The following DDX3X variants were observed in gnomAD, a reference collection of about 807,000 sequenced individuals.
DDX3X encodes the protein ATP-dependent RNA helicase DDX3X.
In DDX3X, 4 loss-of-function variants were observed where a neutral mutation model predicts 52.7. The observed-to-expected ratio is 0.08, with a 90% CI of 0.04 to 0.17. The LOEUF (loss-of-function observed/expected upper bound fraction) is 0.17, where lower values mean the gene tolerates loss of function less well. Ranked by LOEUF, DDX3X falls within the 10% of genes least tolerant of loss-of-function variation. The pLI is 1.00. For synonymous variants in DDX3X, 192 were observed against 178.1 expected (o/e 1.08, Z -0.62); for missense variants, 222 against 548.6 (o/e 0.40, Z 5.95).
intron 5 of DDX3X, among the ~76,000 whole-genome samples, chrX:41,356,355 C>G (rs997797725): frequency 1.0e-4 from 11 of 109,778 alleles, no homozygotes; most frequent in African/African-American, 3.6e-4. Flanking sequence ...CCATATTGAC[C>G]AAGTTAGTCT....
Position 41,342,528 on chromosome X carries a change from C to G in DDX3X, c.318C>G (p.Gly106=). 1 of 1,211,510 alleles carries G rather than the reference C, an allele frequency of 8.3e-7. No individual in the cohort carries two copies. Among genetic ancestry groups the G allele is most frequent in the Non-Finnish European group, 1.1e-6 (1 of 895,316 alleles). The part of the protein sequence containing the change: ...FDDRGRSDYD[G]IGSRGDRSGF... ...ATCGTGGACGGAGTGATTACGATGG[C>G]ATTGGCAGCCGTGGTGACAGAAGTG... is the stretch of plus-strand genomic sequence containing the variant. The change falls in exon 5 of 17, where the codon GGC becomes GGG. Residue 106 remains glycine, a synonymous_variant. Coordinates refer to ENST00000644876, the MANE Select transcript of DDX3X (RefSeq NM_001356.5).
downstream of DDX3X, among the ~76,000 whole-genome samples, chrX:41,353,632 G>A (rs906378308): frequency 9.3e-6 from 1 of 107,435 alleles, no homozygotes; most frequent in African/African-American, 3.4e-5. Context: ...TTAGCTGGGC[G>A]TGGTGGCAAG....
At chrX:41,334,150 G>C, upstream of DDX3X, 2 of 861,695 alleles carry the variant, frequency 2.3e-6, no homozygotes, top group Non-Finnish European at 3.3e-6. Context: ...CCGTGGCCGC[G>C]CGGTGCGCTC....
At chrX:41,352,985 G>T (rs778588571), downstream of DDX3X, among the ~76,000 whole-genome samples, 4 of 111,510 alleles carry the variant, frequency 3.6e-5, no homozygotes, top group Non-Finnish European at 7.5e-5. Context: ...ATTCTATTAC[G>T]TGGCCCCTAT....
intron 2 of DDX3X, chrX:41,338,307 C>T (rs2063799759): frequency 9.0e-6 from 1 of 111,339 alleles, no homozygotes; most frequent in African/African-American, 3.3e-5. Flanking sequence ...TTGGTGTTTG[C>T]TTTAACTTTC....
At chrX:41,350,714 C>G (rs767731563), downstream of DDX3X, 1 of 111,282 alleles carries the variant, frequency 9.0e-6, no homozygotes, top group Non-Finnish European at 1.9e-5. Context: ...ATTGCTTGAG[C>G]CCACGAGTTC....
In DDX3X at chrX:41,344,067, T is replaced by C. The variant is rs761300398; in HGVS notation, c.803T>C (p.Ile268Thr). The change falls in exon 9 of 17, where the codon ATC (isoleucine) becomes ACC (threonine). Residue 268 changes from isoleucine to threonine, a missense_variant. By Grantham distance (89) the Ile-to-Thr change is moderately conservative. Coordinates refer to ENST00000644876, the MANE Select transcript of DDX3X (RefSeq NM_001356.5). ...GRYGRRKQYPISLVLAPTREL... is the reference protein window; with the variant it reads ...GRYGRRKQYPTSLVLAPTREL... ...TATGGGCGCCGCAAACAATACCCAA[T>C]CTCCTTGGTATTAGCACCAACGAGA... The C allele has an allele frequency of 8.3e-7, 1 of 1,206,160 alleles. No individual in the cohort carries two copies. Among genetic ancestry groups the C allele is most frequent in the African/African-American group, 1.8e-5 (1 of 56,793 alleles).
downstream of DDX3X, chrX:41,364,469 C>T (rs2064040836): frequency 7.0e-6 from 2 of 285,170 alleles, no homozygotes; most frequent in Non-Finnish European, 1.2e-5. Context: ...GCACCTTGGC[C>T]TCATCCCCTC....
At chrX:41,352,144 T>C (rs897590159), downstream of DDX3X, among the ~76,000 whole-genome samples, 2 of 111,601 alleles carry the variant, frequency 1.8e-5, no homozygotes, top group African/African-American at 6.5e-5. Flanking sequence ...AATGAGATAC[T>C]ATCTCCTCTA....
downstream of DDX3X, among the ~76,000 whole-genome samples, chrX:41,353,463 A>G (rs2063996903): frequency 9.4e-6 from 1 of 106,410 alleles, no homozygotes; most frequent in Admixed American, 1.0e-4. Context: ...GCAAGACTCC[A>G]TCTCAAAAAA....
chrX:41,361,360 A>C (rs919721132), intron 5 of DDX3X, among the ~76,000 whole-genome samples: 1 of 108,853 alleles, frequency 9.2e-6, no homozygotes. Flanking sequence ...AAAATACAAA[A>C]AATTAGCCGG....
intron 1 of DDX3X, among the ~76,000 whole-genome samples, chrX:41,337,187 G>T (rs920706655): frequency 4.5e-5 from 5 of 112,029 alleles, no homozygotes; most frequent in Non-Finnish European, 9.4e-5. Context: ...TTGGTGTGCC[G>T]CCTTCTGTAG....
At chrX:41,333,666 A>G (rs914856638), upstream of DDX3X, 1 of 109,972 alleles carries the variant, frequency 9.1e-6, no homozygotes, top group Non-Finnish European at 1.9e-5. Flanking sequence ...CCACATCTCC[A>G]AGCCCGGGAA....
At chrX:41,342,287 A>G (rs1602128669) in intron 4 of DDX3X, 1 of 409,198 alleles carries the variant, frequency 2.4e-6, no homozygotes, top group East Asian at 4.1e-5. Flanking sequence ...ACAACTTTAT[A>G]GAAATGTAAA....
At position 41,359,843 on chromosome X, in the gene DDX3X, G is replaced by A. The variant is rs1273854226; in HGVS notation, c.655-4431G>A. Among the ~76,000 whole-genome samples, 19 of 108,294 alleles carry A rather than the reference G, an allele frequency of 1.8e-4. 1 individual carries two copies. Among genetic ancestry groups the A allele is most frequent in the Non-Finnish European group, 3.1e-4 (16 of 52,183 alleles). 94.0% of individuals were successfully genotyped at this position (108,294 alleles called of 115,157 possible). On this transcript the variant is annotated intron_variant, in intron 5 of 5. Coordinates refer to the DDX3X transcript ENST00000616050. ...AAATAAAAATAAAAATTAGCCGGGCGCGGTGGCGGGTGCCTGTAGTCCCAG... is the reference window on the plus strand; with the variant it reads ...AAATAAAAATAAAAATTAGCCGGGCACGGTGGCGGGTGCCTGTAGTCCCAG...
intron 1 of DDX3X, chrX:41,335,075 T>C (rs867018870): frequency 7.1e-4 from 1 of 1,412 alleles, no homozygotes; most frequent in Non-Finnish European, 1.4e-3. Flanking sequence ...GGGGGAGGGG[T>C]GGGGGCGGGG....
At chrX:41,343,034 C>T in intron 6 of DDX3X, 182 bp from the exon 7 acceptor site, 1 of 603,984 alleles carries the variant, frequency 1.7e-6, no homozygotes, top group Non-Finnish European at 2.5e-6. Context: ...ATAGGAACAA[C>T]CCAAAGTCTT....
At chrX:41,352,464 G>A (rs1362602802), downstream of DDX3X, among the ~76,000 whole-genome samples, 1 of 111,228 alleles carries the variant, frequency 9.0e-6, no homozygotes, top group Non-Finnish European at 1.9e-5. Flanking sequence ...GTCAACATTA[G>A]TGGTATGCAG....
intron 8 of DDX3X, 87 bp from the exon 9 acceptor site, chrX:41,343,943 T>C: frequency 7.0e-6 from 7 of 1,003,516 alleles, no homozygotes; most frequent in Non-Finnish European, 8.2e-6. Context: ...TAATCTGTAA[T>C]CTATAAATTA....
Sources: gnomAD v4.1 joint callset for allele counts (sites outside exome capture counted in the v4.1 genomes callset) on GRCh38, gnomAD v4.1.1 for gene constraint, MANE v1.5 for transcripts, NCBI Gene and HGNC (gene_info 2026-07-23, HGNC 2026-07-21) for gene names.